KRTAP10-5: variants seen among roughly 807,000 people sequenced by gnomAD.
The protein encoded by KRTAP10-5 is keratin-associated protein 10-5.
For synonymous variants in KRTAP10-5, 157 were observed against 151.9 expected, an observed-to-expected ratio of 1.03 and a Z score of -0.25; for missense variants, 370 against 351.2, an observed-to-expected ratio of 1.05 and a Z score of -0.43.
In KRTAP10-5 at chr21:44,580,465, G is replaced by A; in HGVS notation, c.114C>T (p.Thr38=). The A allele has an allele frequency of 6.2e-7, 1 of 1,613,260 alleles. No homozygotes were observed. The highest frequency in any genetic ancestry group is 8.5e-7 in the Non-Finnish European group (1 of 1,179,912). ...CACAGCTCACTGGGGTGCAGACCAG[G>A]GTCAGGCAGGGGGCGGTGCCGCAGG... ...EPPCGTAPCL[T]LVCTPVSCVS... The change falls in exon 1 of 1, where the codon ACC becomes ACT. Residue 38 remains threonine (T), a synonymous_variant. Coordinates refer to ENST00000400372, the MANE Select transcript of KRTAP10-5 (RefSeq NM_198694.3).
At position 44,580,306 on chromosome 21, in the gene KRTAP10-5, G is replaced by T. The variant is rs5017210; in HGVS notation, c.273C>A (p.Pro91=). Residue 91 remains proline (P), a synonymous_variant, in exon 1 of 1, where the codon CCC becomes CCA. Transcript: ENST00000400372. Reference sequence around the variant, plus strand: ...GGCAGCACACAGGCTTGCAGCAGACGGGCACGCAGCAGGCCTGCTGGCAGG... The same window carrying T: ...GGCAGCACACAGGCTTGCAGCAGACTGGCACGCAGCAGGCCTGCTGGCAGG... ...SSPCQQACCV[P]VCCKPVCCLP... is the part of the protein sequence containing the mutation. 2 of 1,607,340 alleles carry T rather than the reference G, an allele frequency of 1.2e-6. No homozygotes were observed. The highest frequency in any genetic ancestry group is 2.2e-5 in the South Asian group (2 of 90,732).
In KRTAP10-5 at chr21:44,580,114, A is replaced by C. The variant is rs782348101; in HGVS notation, c.465T>G (p.His155Gln). 1.4e-5 allele frequency: 22 copies of C among 1,594,548 alleles called. No individual in the cohort carries two copies. The Admixed American group carries it at 1.9e-4, about 14-fold the overall frequency. Residue 155 changes from histidine to glutamine, a missense_variant, in exon 1 of 1, where the codon CAT becomes CAG. By Grantham distance (24) the His-to-Gln change is conservative (BLOSUM62 0). Coordinates refer to ENST00000400372, the MANE Select transcript of KRTAP10-5 (RefSeq NM_198694.3). Reference sequence around the variant, plus strand: ...TGCAGCAAGTCGGCTGGCAGCTAGAATGCTGGCAGCATGAAGAGGAATCCT... The same window carrying C: ...TGCAGCAAGTCGGCTGGCAGCTAGACTGCTGGCAGCATGAAGAGGAATCCT... Reference protein sequence around the residue: ...CSEDSSSCCQHSSCQPTCCTS... With the variant: ...CSEDSSSCCQQSSCQPTCCTS...
rs1555924820 is a variant in KRTAP10-5, at chr21:44,580,235, C to T, written c.344G>A (p.Ser115Asn). ...KDSSSCCQQS[S>N]CQPTCCASSS... ...AGAGGCACAGCAAGTTGGCTGGCAG[C>T]TAGACTGCTGGCAGCATGAAGAGGA... Residue 115 changes from serine (S) to asparagine (N), a missense_variant, in exon 1 of 1, where the codon AGC (serine) becomes AAC (asparagine). By Grantham distance (46) the Ser-to-Asn change is conservative. Transcript: ENST00000400372. 1 of 1,613,972 alleles carries T rather than the reference C, an allele frequency of 6.2e-7. No homozygotes were observed. The highest frequency in any genetic ancestry group is 2.2e-5 in the East Asian group (1 of 44,860).
In KRTAP10-5 at chr21:44,579,935, C is replaced by T. The variant is rs1978794482; in HGVS notation, c.644G>A (p.Cys215Tyr). Residue 215 changes from cysteine to tyrosine, a missense_variant, in exon 1 of 1, where the codon TGC becomes TAC. Cys to Tyr is a radical substitution (Grantham distance 194, BLOSUM62 -2). Transcript: ENST00000400372. The part of the protein sequence containing the change: ...CQPACCTTSC[C>Y]RPSSSVSLLC... ...GAGGGACACGGAGGAGGAGGGTCTG[C>T]AGCAGGAGGTGGTGCAGCAAGCCGG... 6.2e-7 allele frequency: 1 copy of T among 1,613,818 alleles called. No individual in the cohort carries two copies. The highest frequency in any genetic ancestry group is 8.5e-7 in the Non-Finnish European group (1 of 1,179,928).
chr21:44,580,381 G>A lies in KRTAP10-5; in HGVS notation c.198C>T (p.Thr66=), dbSNP rs782633513. ...CEPSPCQSGC[T]SSCTPSCCQP... ...GGCAGCACGAGGGCGTGCAGGAGCT[G>A]GTGCAGCCTGATTGGCAGGGGCTGG... Residue 66 remains threonine, a synonymous_variant, in exon 1 of 1, where the codon ACC becomes ACT. Coordinates refer to ENST00000400372, the MANE Select transcript of KRTAP10-5 (RefSeq NM_198694.3). The A allele has an allele frequency of 1.9e-6, 3 of 1,613,476 alleles. No homozygotes were observed. The highest frequency in any genetic ancestry group is 2.2e-5 in the East Asian group (1 of 44,886).
In KRTAP10-5 at chr21:44,579,632, T is replaced by TG. The variant is rs1177602025; in HGVS notation, c.*130dup. ...TCGAGGATGGAGATTCCTGGGAGTA[T>TG]GGAGGGGGGGGTCACCTCAGCACAT... is the stretch of plus-strand genomic sequence containing the variant. On this transcript the variant is annotated 3_prime_UTR_variant, in exon 1 of 1. Transcript: ENST00000400372. The TG allele has an allele frequency of 8.6e-7, 1 of 1,156,844 alleles. No homozygotes were observed. 71.7% of individuals were successfully genotyped at this position (1,156,844 alleles called of 1,614,324 possible). A position where few individuals can be genotyped will look rare whatever the true frequency, so the allele number is the denominator to read the frequency against.
chr21:44,579,891 T>G lies in KRTAP10-5; in HGVS notation c.688A>C (p.Arg230=), dbSNP rs781816161. 26 of 1,599,458 alleles carry G rather than the reference T, an allele frequency of 1.6e-5. No homozygotes were observed. The highest frequency in any genetic ancestry group is 1.7e-4 in the Middle Eastern group (1 of 6,010). ...SVSLLCRPIC[R]PACCLPISSC... ...GAGATGGGCAGGCAGCAGGCGGGCC[T>G]GCATATGGGGCGGCAGAGGAGGGAC... Residue 230 remains arginine (R), a synonymous_variant, in exon 1 of 1, where the codon AGG becomes CGG. Transcript: ENST00000400372.
At position 44,580,564 on chromosome 21, in the gene KRTAP10-5, G is replaced by A. The variant is rs1555924973; in HGVS notation, c.15C>T (p.Thr5=). ...AGCAAGCGCTGGAGCAGACGGACATGGTGCACGCGGCCATGCTGGGGTGGG... is the reference window on the plus strand; with the variant it reads ...AGCAAGCGCTGGAGCAGACGGACATAGTGCACGCGGCCATGCTGGGGTGGG... The part of the protein sequence containing the change: MAAC[T]MSVCSSACSD... The change falls in exon 1 of 1, where the codon ACC becomes ACT. Residue 5 remains threonine, a synonymous_variant. Transcript: ENST00000400372. 1 of 1,611,448 alleles carries A rather than the reference G, an allele frequency of 6.2e-7. No individual in the cohort carries two copies. Among genetic ancestry groups the A allele is most frequent in the South Asian group, 1.1e-5 (1 of 90,580 alleles).
rs75522623 is a variant in KRTAP10-5 at position 44,579,846 on chromosome 21, A to C, written c.733T>G (p.Ser245Ala). The C allele has an allele frequency of 1.3e-3, 2,055 of 1,595,208 alleles. 23 individuals carry two copies. The African/African-American group carries it at 0.023, about 18-fold the overall frequency. ...CGGCAGCAGCTGGCCTGGTAGGAGG[A>C]GGCAGGGGCACAGCAGGAGGAGATG... ...LPISSCCAPASSYQASCCRPA... is the reference protein window; with the variant it reads ...LPISSCCAPAASYQASCCRPA... The change falls in exon 1 of 1, where the codon TCC (serine) becomes GCC (alanine). Residue 245 changes from serine (S) to alanine (A), a missense_variant. Transcript: ENST00000400372.
chr21:44,580,355 T>C lies in KRTAP10-5; in HGVS notation c.224A>G (p.Gln75Arg). The C allele has an allele frequency of 6.2e-7, 1 of 1,613,802 alleles. No homozygotes were observed. Among genetic ancestry groups the C allele is most frequent in the Non-Finnish European group, 8.5e-7 (1 of 1,179,954 alleles). Reference sequence around the variant, plus strand: ...GGGGGAGGAGGCGCAGCAAGCCGGCTGGCAGCACGAGGGCGTGCAGGAGCT... The same window carrying C: ...GGGGGAGGAGGCGCAGCAAGCCGGCCGGCAGCACGAGGGCGTGCAGGAGCT... ...CTSSCTPSCCQPACCASSPCQ... is the reference protein window; with the variant it reads ...CTSSCTPSCCRPACCASSPCQ... The change falls in exon 1 of 1, where the codon CAG becomes CGG. Residue 75 changes from glutamine to arginine, a missense_variant. Gln to Arg is a conservative substitution (Grantham distance 43). Transcript: ENST00000400372.
In KRTAP10-5 at chr21:44,579,801, G is replaced by C. The variant is rs1555924593; in HGVS notation, c.778C>G (p.Leu260Val). The change falls in exon 1 of 1, where the codon CTC becomes GTC. Residue 260 changes from leucine (L) to valine (V), a missense_variant. Coordinates refer to ENST00000400372, the MANE Select transcript of KRTAP10-5 (RefSeq NM_198694.3). ...GGGGAGCACGCGGGGCGGCAGAGGA[G>C]GGACACGCAGGAGGCCGGGCGGCAG... ...SCCRPASCVSLLCRPACSPLA... is the reference protein window; with the variant it reads ...SCCRPASCVSVLCRPACSPLA... 1.2e-6 allele frequency: 2 copies of C among 1,609,514 alleles called. No individual in the cohort carries two copies. Among genetic ancestry groups the C allele is most frequent in the Non-Finnish European group, 1.7e-6 (2 of 1,178,056 alleles).
rs1555924889 is a variant in KRTAP10-5, at chr21:44,580,375, G to T, written c.204C>A (p.Ser68=). ...PSPCQSGCTS[S]CTPSCCQPAC... ...CCGGCTGGCAGCACGAGGGCGTGCA[G>T]GAGCTGGTGCAGCCTGATTGGCAGG... The change falls in exon 1 of 1, where the codon TCC becomes TCA. Residue 68 remains serine, a synonymous_variant. Transcript: ENST00000400372. 1.9e-6 allele frequency: 3 copies of T among 1,613,530 alleles called. No homozygotes were observed. Among genetic ancestry groups the T allele is most frequent in the Middle Eastern group, 3.5e-4 (2 of 5,652 alleles).
chr21:44,580,376 G>T lies in KRTAP10-5; in HGVS notation c.203C>A (p.Ser68Tyr), dbSNP rs1555924890. The change falls in exon 1 of 1, where the codon TCC becomes TAC. Residue 68 changes from serine (S) to tyrosine (Y), a missense_variant. Coordinates refer to ENST00000400372, the MANE Select transcript of KRTAP10-5 (RefSeq NM_198694.3). The stretch of plus-strand genomic sequence containing the variant: ...CGGCTGGCAGCACGAGGGCGTGCAG[G>T]AGCTGGTGCAGCCTGATTGGCAGGG... ...PSPCQSGCTS[S>Y]CTPSCCQPAC... is the part of the protein sequence containing the mutation. 1 of 1,613,524 alleles carries T rather than the reference G, an allele frequency of 6.2e-7. No homozygotes were observed. Among genetic ancestry groups the T allele is most frequent in the South Asian group, 1.1e-5 (1 of 91,034 alleles).
Position 44,580,492 on chromosome 21 carries a change from G to C in KRTAP10-5, c.87C>G (p.Pro29=). The C allele has an allele frequency of 6.2e-7, 1 of 1,613,484 alleles. No individual in the cohort carries two copies. The part of the protein sequence containing the change: ...VDDCPESCCE[P]PCGTAPCLTL... ...TCAGGCAGGGGGCGGTGCCGCAGGG[G>C]GGCTCACAGCAGCTCTCTGGGCAGT... The change falls in exon 1 of 1, where the codon CCC becomes CCG. Residue 29 remains proline, a synonymous_variant. Coordinates refer to ENST00000400372, the MANE Select transcript of KRTAP10-5 (RefSeq NM_198694.3).
In KRTAP10-5 at chr21:44,579,512, C is replaced by T. The variant is rs147713508; in HGVS notation, c.*251G>A. On this transcript the variant is annotated 3_prime_UTR_variant, in exon 1 of 1. Transcript: ENST00000400372. ...GGAGGAGGTGCTGACAGGTTCAAGT[C>T]GAGGCCAAGTGACATGGGGCAGAGA... is the stretch of plus-strand genomic sequence containing the variant. 1.9e-3 allele frequency: 1,091 copies of T among 584,880 alleles called. 15 individuals carry two copies. Among genetic ancestry groups the T allele is most frequent in the African/African-American group, 0.017 (918 of 53,596 alleles). The allele number at this position is 584,880 out of a possible 1,614,324, so 36.2% of individuals were successfully genotyped here. A position where few individuals can be genotyped will look rare whatever the true frequency, so the allele number is the denominator to read the frequency against.
chr21:44,579,531 G>A lies in KRTAP10-5; in HGVS notation c.*232C>T, dbSNP rs372521098. The A allele has an allele frequency of 8.8e-4, 532 of 601,304 alleles. 5 individuals carry two copies. Among genetic ancestry groups the A allele is most frequent in the African/African-American group, 8.6e-3 (463 of 53,866 alleles). The allele number at this position is 601,304 out of a possible 1,614,324, so 37.2% of individuals were successfully genotyped here. On this transcript the variant is annotated 3_prime_UTR_variant, in exon 1 of 1. Transcript: ENST00000400372. Reference sequence around the variant, plus strand: ...TCAAGTCGAGGCCAAGTGACATGGGGCAGAGAAGCTGGGAGGGAGGACAGG... The same window carrying A: ...TCAAGTCGAGGCCAAGTGACATGGGACAGAGAAGCTGGGAGGGAGGACAGG...
Position 44,579,494 on chromosome 21 carries a change from G to C in KRTAP10-5, c.*269C>G, listed in dbSNP as rs587766351. ...GGAGTTTATTGGGGAGCAGGAGGAG[G>C]TGCTGACAGGTTCAAGTCGAGGCCA... is the stretch of plus-strand genomic sequence containing the variant. On this transcript the variant is annotated 3_prime_UTR_variant, in exon 1 of 1. Coordinates refer to ENST00000400372, the MANE Select transcript of KRTAP10-5 (RefSeq NM_198694.3). 4 of 573,226 alleles carry C rather than the reference G, an allele frequency of 7.0e-6. No individual in the cohort carries two copies. In the East Asian group the frequency reaches 1.1e-4, roughly 16 times the overall value. The allele number at this position is 573,226 out of a possible 1,614,324, so 35.5% of individuals were successfully genotyped here. A position where few individuals can be genotyped will look rare whatever the true frequency, so the allele number is the denominator to read the frequency against.
chr21:44,579,496 GCTGA>G lies in KRTAP10-5; in HGVS notation c.*263_*266del. 4 of 574,418 alleles carry G rather than the reference GCTGA, an allele frequency of 7.0e-6. No individual in the cohort carries two copies. The highest frequency in any genetic ancestry group is 3.0e-5 in the Admixed American group (1 of 32,820). The allele number at this position is 574,418 out of a possible 1,614,324, so 35.6% of individuals were successfully genotyped here. On this transcript the variant is annotated 3_prime_UTR_variant, in exon 1 of 1. Coordinates refer to ENST00000400372, the MANE Select transcript of KRTAP10-5 (RefSeq NM_198694.3). Reference sequence around the variant, plus strand: ...AGTTTATTGGGGAGCAGGAGGAGGTGCTGACAGGTTCAAGTCGAGGCCAAGTGAC... The same window carrying G: ...AGTTTATTGGGGAGCAGGAGGAGGTGCAGGTTCAAGTCGAGGCCAAGTGAC...
rs7510350 is a variant in KRTAP10-5 at position 44,579,886 on chromosome 21, G to A, written c.693C>T (p.Pro231=). The change falls in exon 1 of 1, where the codon CCC becomes CCT. Residue 231 remains proline (P), a synonymous_variant. Coordinates refer to ENST00000400372, the MANE Select transcript of KRTAP10-5 (RefSeq NM_198694.3). Reference sequence around the variant, plus strand: ...AGGAGGAGATGGGCAGGCAGCAGGCGGGCCTGCATATGGGGCGGCAGAGGA... The same window carrying A: ...AGGAGGAGATGGGCAGGCAGCAGGCAGGCCTGCATATGGGGCGGCAGAGGA... ...VSLLCRPICR[P]ACCLPISSCC... 12,671 of 1,599,624 alleles carry A rather than the reference G, an allele frequency of 7.9e-3. 470 individuals carry two copies. In the African/African-American group the frequency reaches 0.1, roughly 13 times the overall value.
Sources: gnomAD v4.1 joint callset for allele counts on GRCh38, gnomAD v4.1.1 for gene constraint, MANE v1.5 for transcripts, NCBI Gene and HGNC (gene_info 2026-07-23, HGNC 2026-07-21) for gene names.